Variants in RASA3 observed in about 807,000 individuals in gnomAD.
The protein encoded by RASA3 is ras GTPase-activating protein 3.
A neutral mutation model predicts 110.0 loss-of-function variants in RASA3; 73 were observed. The ratio of observed to expected loss-of-function variants is 0.66; its 90% CI spans 0.55 to 0.81. The LOEUF (loss-of-function observed/expected upper bound fraction) is 0.81. RASA3 is among the 30% of genes least tolerant of loss of function. RASA3 has a pLI of 0.00. For synonymous variants in RASA3, 500 were observed against 451.4 expected, an observed-to-expected ratio of 1.11 and a Z score of -1.37; for missense variants, 976 against 1,113.2, an observed-to-expected ratio of 0.88 and a Z score of 1.75.
At chr13:114,000,164 C>T (rs151183428) in intron 19 of RASA3, among the ~76,000 whole-genome samples, 8 of 114,136 alleles carry the variant, frequency 7.0e-5, no homozygotes, top group African/African-American at 2.5e-4. Flanking sequence ...GGTGTCTCTG[C>T]TGGGGGTCTC....
chr13:114,043,755 C>T (rs554224028), intron 3 of RASA3, among the ~76,000 whole-genome samples: 4 of 152,024 alleles, frequency 2.6e-5, no homozygotes, highest in South Asian at 2.1e-4. Context: ...CACGTGGACT[C>T]CCTCCAATGG....
intron 17 of RASA3, among the ~76,000 whole-genome samples, chr13:114,008,356 C>G (rs1308286116): frequency 1.9e-5 from 1 of 51,562 alleles, no homozygotes; most frequent in Non-Finnish European, 3.4e-5. Flanking sequence ...TGGGGAGGAG[C>G]AGAGCCCTGC....
At chr13:114,107,117 C>T (rs373966320) in intron 1 of RASA3, among the ~76,000 whole-genome samples, 11 of 152,356 alleles carry the variant, frequency 7.2e-5, no homozygotes, top group East Asian at 3.9e-4. Flanking sequence ...CATCCAGCCA[C>T]GGTCTGCGGA....
chr13:114,029,886 C>A lies in RASA3; in HGVS notation c.374G>T (p.Gly125Val). ...QHVDADSEVQGKVHLELRLSE... is the reference protein window; with the variant it reads ...QHVDADSEVQVKVHLELRLSE... ...CAGCCGCAGCTCCAGGTGCACTTTGCCCTGCAAGGCACAAGGATGGGGTGT... is the reference window on the plus strand; with the variant it reads ...CAGCCGCAGCTCCAGGTGCACTTTGACCTGCAAGGCACAAGGATGGGGTGT... The change falls in exon 5 of 24, where the codon GGC becomes GTC. Residue 125 changes from glycine to valine, a missense_variant and splice_region_variant. Gly to Val is a moderately radical substitution (Grantham distance 109, BLOSUM62 -3). Transcript: ENST00000334062. 2 of 1,555,566 alleles carry A rather than the reference C, an allele frequency of 1.3e-6. No homozygotes were observed. Among genetic ancestry groups the A allele is most frequent in the Non-Finnish European group, 1.7e-6 (2 of 1,152,060 alleles).
intron 20 of RASA3, among the ~76,000 whole-genome samples, chr13:113,998,842 A>C (rs149715053): frequency 0.018 from 2,692 of 152,372 alleles, 38 homozygotes; most frequent in Non-Finnish European, 0.031. Flanking sequence ...AGCAGAATGC[A>C]GCGCAGACTG....
rs547921539 is a variant in RASA3, at chr13:114,119,434, G to A, written c.55+13001C>T. ...CGGAGACAACTGCTCACGCCTCTGA[G>A]GGGCCGATCGCTCAGGATCCCCCAG... On this transcript the variant is annotated intron_variant, in intron 1 of 23. Coordinates refer to ENST00000334062, the MANE Select transcript of RASA3 (RefSeq NM_007368.4). 7.9e-5 allele frequency among the ~76,000 whole-genome samples: 12 copies of A among 152,292 alleles called. No homozygotes were observed. The East Asian group carries it at 2.1e-3, about 27-fold the overall frequency.
intron 2 of RASA3, among the ~76,000 whole-genome samples, chr13:114,054,499 C>T (rs932553605): frequency 1.2e-4 from 19 of 152,320 alleles, no homozygotes; most frequent in Middle Eastern, 3.4e-3. Context: ...GGGAGGGGTC[C>T]AGAGTCCAGG....
chr13:114,035,289 A>G (rs1594362255), intron 4 of RASA3, among the ~76,000 whole-genome samples: 1 of 152,242 alleles, frequency 6.6e-6, no homozygotes, highest in Non-Finnish European at 1.5e-5. Context: ...GAACGAGAGG[A>G]CCTGGCTGCC....
At chr13:114,002,794 G>A (rs1018128852) in intron 18 of RASA3, among the ~76,000 whole-genome samples, 18 of 152,246 alleles carry the variant, frequency 1.2e-4, no homozygotes, top group Admixed American at 1.0e-3. Flanking sequence ...TTTTCTAACC[G>A]GGCCCATCGC....
intron 7 of RASA3, among the ~76,000 whole-genome samples, chr13:114,024,857 C>T (rs531268517): frequency 1.6e-4 from 25 of 152,230 alleles, no homozygotes; most frequent in Non-Finnish European, 2.5e-4. Context: ...GAGGGTCAGA[C>T]GGTGGAAAGT....
At chr13:114,020,649 GA>G (rs890991761) in intron 9 of RASA3, among the ~76,000 whole-genome samples, 4 of 152,196 alleles carry the variant, frequency 2.6e-5, no homozygotes, top group Admixed American at 2.0e-4. Flanking sequence ...ATGAACTGGA[GA>G]TAAAATGAAA....
At chr13:114,045,845 T>A (rs1011706201) in intron 3 of RASA3, among the ~76,000 whole-genome samples, 4 of 152,208 alleles carry the variant, frequency 2.6e-5, no homozygotes, top group Non-Finnish European at 4.4e-5. Context: ...ACTAAACACA[T>A]AAAACACAGG....
intron 21 of RASA3, 115 bp downstream of exon 21, chr13:113,996,416 C>T (rs1378946386): frequency 9.1e-7 from 1 of 1,104,248 alleles, no homozygotes; most frequent in Non-Finnish European, 1.3e-6. Flanking sequence ...GAGGGCAGCC[C>T]TGTTTATGTG....
Position 114,121,830 on chromosome 13 carries a change from G to GCC in RASA3, c.55+10603_55+10604dup, listed in dbSNP as rs113098044. ...TGTTTACAGCTGTGAGCATACACAG[G>GCC]CCCCCCGCCACACGCTCAGGAAGGA... On this transcript the variant is annotated intron_variant, in intron 1 of 23. Coordinates refer to ENST00000334062, the MANE Select transcript of RASA3 (RefSeq NM_007368.4). Among the ~76,000 whole-genome samples, 609 of 152,290 alleles carry GCC rather than the reference G, an allele frequency of 4.0e-3. 3 individuals are homozygous for GCC. The highest frequency in any genetic ancestry group is 0.014 in the African/African-American group (562 of 41,538).
rs570429088 is a variant in RASA3, at chr13:113,994,646, C to T, written c.2141+1885G>A. Among the ~76,000 whole-genome samples, 12 of 152,102 alleles carry T rather than the reference C, an allele frequency of 7.9e-5. No individual in the cohort carries two copies. The South Asian group carries it at 2.5e-3, about 32-fold the overall frequency. The stretch of plus-strand genomic sequence containing the variant: ...GAGAGACCCTCACAGTGAGACCTGG[C>T]AACATAGTGAGACCCCGTCTCTACA... On this transcript the variant is annotated intron_variant, in intron 21 of 23. Coordinates refer to ENST00000334062, the MANE Select transcript of RASA3 (RefSeq NM_007368.4).
intron 1 of RASA3, among the ~76,000 whole-genome samples, chr13:114,081,453 G>T (rs767111138): frequency 6.6e-6 from 1 of 152,212 alleles, no homozygotes; most frequent in Admixed American, 6.5e-5. Context: ...ATGCACTCTC[G>T]TGGTTCTGAC....
At chr13:113,992,651 G>A (rs1194305944) in intron 21 of RASA3, 63 bp from the exon 22 acceptor site, 5 of 1,222,218 alleles carry the variant, frequency 4.1e-6, no homozygotes, top group Non-Finnish European at 5.9e-6. Context: ...TTTTAATAAT[G>A]ACATTCATTT....
chr13:114,037,951 GGGGAGCC>G (rs1373187305), intron 4 of RASA3, among the ~76,000 whole-genome samples: 1 of 151,862 alleles, frequency 6.6e-6, no homozygotes, highest in Non-Finnish European at 1.5e-5. Context: ...CTTCCGTTCG[GGGGAGCC>G]GGGAGAAGGG....
intron 3 of RASA3, among the ~76,000 whole-genome samples, chr13:114,050,387 A>T (rs1247951378): frequency 6.6e-6 from 1 of 152,224 alleles, no homozygotes; most frequent in Non-Finnish European, 1.5e-5. Context: ...ATGAAGTCAA[A>T]TGTCAATTAT....
Sources: allele counts gnomAD v4.1 joint callset (sites outside exome capture counted in the v4.1 genomes callset), GRCh38; gene constraint gnomAD v4.1.1; transcripts MANE v1.5; gene names NCBI Gene and HGNC (gene_info 2026-07-23, HGNC 2026-07-21).